The following MAF variants were observed in gnomAD, a reference collection of about 807,000 sequenced individuals.
The protein encoded by MAF is MAF bZIP transcription factor, also known as transcription factor Maf.
A neutral mutation model predicts 22.0 loss-of-function variants in MAF; 10 were observed. The observed-to-expected ratio is 0.45, with a 90% CI of 0.28 to 0.77. The LOEUF (loss-of-function observed/expected upper bound fraction) is 0.77, where lower values mean the gene tolerates loss of function less well. MAF is among the 30% of genes least tolerant of loss of function. The pLI is 0.12. For synonymous variants in MAF, 337 were observed against 255.8 expected (o/e 1.32, Z -3.03); for missense variants, 544 against 548.4 (o/e 0.99, Z 0.08).
the MAF span, among the ~76,000 whole-genome samples, chr16:79,417,856 A>T: frequency 6.6e-6 from 1 of 152,158 alleles, no homozygotes; most frequent in African/African-American, 2.4e-5. Context: ...GACGCGGCAC[A>T]CGTTACTTTC....
chr16:79,310,382 T>A, the MAF span, among the ~76,000 whole-genome samples: 3 of 151,422 alleles, frequency 2.0e-5, no homozygotes, highest in Non-Finnish European at 4.4e-5. Flanking sequence ...AGACAGAGAG[T>A]AAGAGAGAGA....
At chr16:79,463,592 G>A in the MAF span, among the ~76,000 whole-genome samples, 1 of 152,138 alleles carries the variant, frequency 6.6e-6, no homozygotes, top group Admixed American at 6.5e-5. Context: ...GTCTGAGTGG[G>A]ACTAAGTTTG....
the MAF span, among the ~76,000 whole-genome samples, chr16:79,557,913 G>C: frequency 5.3e-5 from 8 of 150,838 alleles, no homozygotes; most frequent in Non-Finnish European, 1.2e-4. Flanking sequence ...CTAAGAGAAG[G>C]ACTCCTGAGG....
the MAF span, among the ~76,000 whole-genome samples, chr16:79,432,922 G>A: frequency 6.6e-6 from 1 of 152,142 alleles, no homozygotes; most frequent in Non-Finnish European, 1.5e-5. Flanking sequence ...TTGGACTTCT[G>A]GCCTCCAAAA....
chr16:79,230,525 T>C, the MAF span, among the ~76,000 whole-genome samples: 95 of 152,268 alleles, frequency 6.2e-4, no homozygotes, highest in African/African-American at 2.2e-3. Context: ...TGGAAAACCA[T>C]GTAGTACAAA....
At chr16:79,265,676 G>A in the MAF span, among the ~76,000 whole-genome samples, 6 of 152,272 alleles carry the variant, frequency 3.9e-5, no homozygotes, top group African/African-American at 9.6e-5. Context: ...CACAAACAGA[G>A]GATTCACTGT....
the MAF span, among the ~76,000 whole-genome samples, chr16:79,234,960 A>C: frequency 0.6 from 91,334 of 151,932 alleles, 28,573 homozygotes; most frequent in Non-Finnish European, 0.68. Flanking sequence ...AAACATCCCC[A>C]AGGGGACCAC....
the MAF span, among the ~76,000 whole-genome samples, chr16:79,561,320 T>G: frequency 6.6e-6 from 1 of 152,154 alleles, no homozygotes; most frequent in Non-Finnish European, 1.5e-5. Context: ...TCTTTCTTTT[T>G]TTTTTTTATA....
chr16:79,206,651 G>A, the MAF span: 1 of 152,164 alleles, frequency 6.6e-6, no homozygotes, highest in African/African-American at 2.4e-5. Flanking sequence ...GAGGACTTTG[G>A]AGTAGACATC....
the MAF span, among the ~76,000 whole-genome samples, chr16:79,371,991 A>G: frequency 0.043 from 6,487 of 151,938 alleles, 273 homozygotes; most frequent in East Asian, 0.2. Flanking sequence ...AGAAAATGAG[A>G]TTGCACACAG....
chr16:79,249,061 C>T, the MAF span, among the ~76,000 whole-genome samples: 2 of 152,132 alleles, frequency 1.3e-5, no homozygotes, highest in Admixed American at 6.5e-5. Flanking sequence ...TATTGAGAGA[C>T]AGGGCCTTTG....
chr16:79,383,779 C>T, the MAF span, among the ~76,000 whole-genome samples: 1 of 152,086 alleles, frequency 6.6e-6, no homozygotes, highest in African/African-American at 2.4e-5. Context: ...CTCATTAAAC[C>T]TGCAGTTGGT....
At chr16:79,427,660 T>C in the MAF span, among the ~76,000 whole-genome samples, 1 of 152,042 alleles carries the variant, frequency 6.6e-6, no homozygotes, top group South Asian at 2.1e-4. Flanking sequence ...TTCCTCCACT[T>C]TCTGCCTCTC....
the MAF span, among the ~76,000 whole-genome samples, chr16:79,383,882 T>C: frequency 6.6e-6 from 1 of 152,206 alleles, no homozygotes; most frequent in African/African-American, 2.4e-5. Context: ...TTAGATACAT[T>C]TGTCAAGTCC....
the MAF span, among the ~76,000 whole-genome samples, chr16:79,566,027 G>C: frequency 3.3e-5 from 5 of 152,186 alleles, no homozygotes; most frequent in Non-Finnish European, 4.4e-5. Context: ...GGGCCACTCT[G>C]ATCCTCCTGG....
At chr16:79,545,622 G>A in the MAF span, among the ~76,000 whole-genome samples, 1 of 151,906 alleles carries the variant, frequency 6.6e-6, no homozygotes, top group Non-Finnish European at 1.5e-5. Context: ...CCCCACAGAG[G>A]CATCTTATTT....
the MAF span, among the ~76,000 whole-genome samples, chr16:79,298,938 C>T: frequency 6.6e-6 from 1 of 152,236 alleles, no homozygotes; most frequent in African/African-American, 2.4e-5. Flanking sequence ...GTGTGGTAGG[C>T]CGATCCTCTC....
chr16:79,598,610 G>GTGTGT (rs1555529702), intron 1 of MAF, 175 bp downstream of exon 1: 3 of 1,412,864 alleles, frequency 2.1e-6, no homozygotes, highest in South Asian at 1.3e-5. Flanking sequence ...GTGTGTGTGT[G>GTGTGT]GTGTGTGCGT....
the MAF span, among the ~76,000 whole-genome samples, chr16:79,531,932 C>T: frequency 4.6e-5 from 7 of 151,952 alleles, no homozygotes; most frequent in African/African-American, 1.5e-4. Context: ...TGGTCCAAAG[C>T]GGGGTTTGGA....
Sources: allele counts gnomAD v4.1 joint callset (sites outside exome capture counted in the v4.1 genomes callset), GRCh38; gene constraint gnomAD v4.1.1; transcripts MANE v1.5; gene names NCBI Gene and HGNC (gene_info 2026-07-23, HGNC 2026-07-21).